Variants in ABHD2 observed in about 807,000 individuals in gnomAD.
The protein encoded by ABHD2 is monoacylglycerol lipase ABHD2.
Under a neutral mutation model 48.1 loss-of-function variants are expected in ABHD2, and 20 were observed. That is an observed-to-expected ratio of 0.42 (90% CI 0.29 to 0.60). The LOEUF is 0.60. Ranked by LOEUF, ABHD2 falls within the 20% of genes least tolerant of loss-of-function variation. The pLI is 0.24. For synonymous variants in ABHD2, 209 were observed against 214.2 expected (o/e 0.98, Z 0.21); for missense variants, 405 against 550.9 (o/e 0.74, Z 2.65).
At chr15:89,051,411 C>G in the ABHD2 span, among the ~76,000 whole-genome samples, 1 of 152,192 alleles carries the variant, frequency 6.6e-6, no homozygotes, top group African/African-American at 2.4e-5. Context: ...ATGCACAGCT[C>G]TCTACAACCC....
intron 10 of ABHD2, among the ~76,000 whole-genome samples, chr15:89,194,937 C>T (rs1044621922): frequency 6.6e-6 from 1 of 151,870 alleles, no homozygotes; most frequent in African/African-American, 2.4e-5. Context: ...TTTAAGAACT[C>T]CACAACTGAT....
At chr15:89,136,894 C>G (rs917663205) in intron 3 of ABHD2, among the ~76,000 whole-genome samples, 3 of 152,216 alleles carry the variant, frequency 2.0e-5, no homozygotes, top group Admixed American at 2.0e-4. Flanking sequence ...CCATTGGCAT[C>G]TATGTGCATG....
the ABHD2 span, among the ~76,000 whole-genome samples, chr15:89,044,158 G>A: frequency 6.6e-6 from 1 of 152,046 alleles, no homozygotes; most frequent in Non-Finnish European, 1.5e-5. Context: ...GCAGAGTTTG[G>A]TTTTTTGTTC....
In ABHD2 at chr15:89,193,920, CAA is replaced by C. The variant is rs60255237; in HGVS notation, c.1081+618_1081+619del. Among the ~76,000 whole-genome samples the C allele has an allele frequency of 4.9e-3, 509 of 103,336 alleles. 2 individuals are homozygous for C. Among genetic ancestry groups the C allele is most frequent in the African/African-American group, 0.011 (286 of 26,522 alleles). The allele number at this position is 103,336 out of a possible 152,430, so 67.8% of individuals were successfully genotyped here. A position where few individuals can be genotyped will look rare whatever the true frequency, so the allele number is the denominator to read the frequency against. On this transcript the variant is annotated intron_variant, in intron 10 of 10. Transcript: ENST00000352732. ...TGGGTGACAGAGTGAGACTCCGTCT[CAA>C]AAAAAAAAAAAAAAAAGAATTAGCT...
At position 89,100,989 on chromosome 15, in the gene ABHD2, A is replaced by G. The variant is rs1206835357; in HGVS notation, c.-107+12426A>G. The stretch of plus-strand genomic sequence containing the variant: ...AAGCTCATGTCAGTTGGAGAATACC[A>G]TAGACAATTTTGTTGCATTGTATAT... On this transcript the variant is annotated intron_variant, in intron 1 of 10. Transcript: ENST00000352732. The surrounding 1 kb of genome is among the most constrained non-coding windows in gnomAD (Gnocchi z 4.4). Among the ~76,000 whole-genome samples, 1 of 152,252 alleles carries G rather than the reference A, an allele frequency of 6.6e-6. No homozygotes were observed. The highest frequency in any genetic ancestry group is 2.4e-5 in the African/African-American group (1 of 41,470).
chr15:89,099,200 G>A (rs527772534), intron 1 of ABHD2, among the ~76,000 whole-genome samples: 6 of 152,310 alleles, frequency 3.9e-5, no homozygotes, highest in Admixed American at 3.9e-4. Context: ...ACATGTTTGA[G>A]GAGTAAATGA....
upstream of ABHD2, among the ~76,000 whole-genome samples, chr15:89,083,214 C>T (rs1303886355): frequency 6.6e-6 from 1 of 152,140 alleles, no homozygotes; most frequent in East Asian, 1.9e-4. The surrounding 1 kb of genome is among the most constrained non-coding windows in gnomAD (Gnocchi z 5.1). Context: ...CTGCATCTCG[C>T]CTTCTCCGGA....
At chr15:89,045,532 G>A in the ABHD2 span, among the ~76,000 whole-genome samples, 5 of 152,236 alleles carry the variant, frequency 3.3e-5, no homozygotes, top group South Asian at 8.3e-4. Context: ...CTACTCATGA[G>A]CATGGAGTGT....
At chr15:89,113,505 T>C (rs528329771) in intron 1 of ABHD2, among the ~76,000 whole-genome samples, 11 of 152,338 alleles carry the variant, frequency 7.2e-5, no homozygotes, top group African/African-American at 2.6e-4. Context: ...AAACTTGTCC[T>C]AGAAACCAGA....
chr15:89,191,289 T>C (rs1398334712), intron 9 of ABHD2, 140 bp downstream of exon 9: 2 of 784,588 alleles, frequency 2.5e-6, no homozygotes, highest in Non-Finnish European at 4.1e-6. Context: ...TGGATTTGTT[T>C]ATTGAACCAG....
At chr15:89,098,991 G>A (rs1209024812) in intron 1 of ABHD2, among the ~76,000 whole-genome samples, 3 of 152,202 alleles carry the variant, frequency 2.0e-5, no homozygotes, top group Non-Finnish European at 4.4e-5. Flanking sequence ...CTTATAAGAT[G>A]GATGGGTGCC....
intron 3 of ABHD2, among the ~76,000 whole-genome samples, chr15:89,140,537 C>T (rs1023155070): frequency 6.6e-6 from 1 of 152,012 alleles, no homozygotes; most frequent in African/African-American, 2.4e-5. Flanking sequence ...TACATATGTA[C>T]ATTTAACTTA....
Position 89,167,207 on chromosome 15 carries a change from AG to A in ABHD2, c.539-8603del, listed in dbSNP as rs2050850954. Among the ~76,000 whole-genome samples the A allele has an allele frequency of 6.6e-6, 1 of 152,184 alleles. No homozygotes were observed. The highest frequency in any genetic ancestry group is 1.5e-5 in the Non-Finnish European group (1 of 68,040). ...CAATCTTCTATTAGATCATAAACAT[AG>A]GTGTTTCGATAAGCTTCTCATATCT... On this transcript the variant is annotated intron_variant, in intron 5 of 10. Transcript: ENST00000352732. The surrounding 1 kb of genome is among the most constrained non-coding windows in gnomAD (Gnocchi z 5.5).
chr15:89,078,254 A>C, the ABHD2 span, among the ~76,000 whole-genome samples: 142 of 152,220 alleles, frequency 9.3e-4, 4 homozygotes, highest in Admixed American at 6.9e-3. Context: ...CCTGGCTCCA[A>C]CCTCTCCTAT....
rs1322986431 is a variant in ABHD2 at position 89,164,129 on chromosome 15, T to A, written c.538+8595T>A. 6.6e-6 allele frequency among the ~76,000 whole-genome samples: 1 copy of A among 152,160 alleles called. No homozygotes were observed. The highest frequency in any genetic ancestry group is 6.5e-5 in the Admixed American group (1 of 15,274). On this transcript the variant is annotated intron_variant, in intron 5 of 10. Transcript: ENST00000352732. This position sits in a 1 kb window ranked among gnomAD's most constrained non-coding sequence, Gnocchi z 5.0. ...TCAGCCAGCATCCTCCAGACAATGA[T>A]GGGGCCAGCCTCTGCGATGGGAATA...
intron 10 of ABHD2, 183 bp downstream of exon 10, chr15:89,193,502 AG>A (rs2051340852): frequency 1.6e-6 from 1 of 611,894 alleles, no homozygotes. Flanking sequence ...CTTGGGCATC[AG>A]GCCTCCCTCG....
intron 3 of ABHD2, among the ~76,000 whole-genome samples, chr15:89,138,286 A>G (rs1313458647): frequency 6.6e-6 from 1 of 152,202 alleles, no homozygotes; most frequent in African/African-American, 2.4e-5. Context: ...AGACTCGTGG[A>G]GCTGCCACAA....
chr15:89,169,615 AAC>A (rs1359583724), intron 5 of ABHD2, among the ~76,000 whole-genome samples: 1 of 152,228 alleles, frequency 6.6e-6, no homozygotes, highest in Non-Finnish European at 1.5e-5. Flanking sequence ...AATATTTAAT[AAC>A]AATTTAAAAT....
Position 89,174,059 on chromosome 15 carries a change from G to A in ABHD2, c.539-1753G>A, listed in dbSNP as rs1183051252. On this transcript the variant is annotated intron_variant, in intron 5 of 10. Transcript: ENST00000352732. This position sits in a 1 kb window ranked among gnomAD's most constrained non-coding sequence, Gnocchi z 4.1. The stretch of plus-strand genomic sequence containing the variant: ...TCCAGGGGTGTCAAAAATATTCTGC[G>A]TCTTCATCTGGGCAATGCTTACCTG... Among the ~76,000 whole-genome samples the A allele has an allele frequency of 1.3e-5, 2 of 152,016 alleles. No homozygotes were observed. Among genetic ancestry groups the A allele is most frequent in the African/African-American group, 2.4e-5 (1 of 41,364 alleles).
Sources: gnomAD v4.1 joint callset for allele counts (sites outside exome capture counted in the v4.1 genomes callset) on GRCh38, gnomAD v4.1.1 for gene constraint, Gnocchi (gnomAD v3.1) non-coding constraint, MANE v1.5 for transcripts, NCBI Gene and HGNC (gene_info 2026-07-23, HGNC 2026-07-21) for gene names.